PPP6R2: variants seen among roughly 807,000 people sequenced by gnomAD.
PPP6R2 encodes protein phosphatase 6 regulatory subunit 2, also known as serine/threonine-protein phosphatase 6 regulatory subunit 2.
Under a neutral mutation model 100.2 loss-of-function variants are expected in PPP6R2, and 62 were observed. The ratio of observed to expected loss-of-function variants is 0.62; its 90% confidence interval spans 0.50 to 0.76. The LOEUF (loss-of-function observed/expected upper bound fraction) is 0.76. Ranked by LOEUF, PPP6R2 falls within the 30% of genes least tolerant of loss-of-function variation. The probability of loss-of-function intolerance (pLI) is 0.00; values close to 1 mark genes in which losing one functional copy is unlikely to be tolerated. For synonymous variants in PPP6R2, 525 were observed against 514.7 expected (o/e 1.02, Z -0.27); for missense variants, 1,142 against 1,276.3 (o/e 0.89, Z 1.60).
chr22:50,373,471 C>T (rs928766362), intron 2 of PPP6R2, among the ~76,000 whole-genome samples: 7 of 151,884 alleles, frequency 4.6e-5, no homozygotes, highest in East Asian at 1.9e-4. Context: ...TCTCGATCTC[C>T]TGACCTCGTG....
intron 22 of PPP6R2, 163 bp from the exon 23 acceptor site, chr22:50,443,703 C>A: frequency 3.0e-6 from 3 of 997,540 alleles, no homozygotes; most frequent in Non-Finnish European, 4.3e-6. Context: ...AGCTGCCTAG[C>A]TGGGCACAAC....
At chr22:50,440,145 C>T (rs572476154) in intron 21 of PPP6R2, 96 bp downstream of exon 21, 31 of 1,138,448 alleles carry the variant, frequency 2.7e-5, no homozygotes, top group Admixed American at 1.6e-4. Context: ...AGGAGGTGGC[C>T]GGGGCCTCGC....
chr22:50,423,398 G>C lies in PPP6R2; in HGVS notation c.973-64G>C. 6.3e-7 allele frequency: 1 copy of C among 1,595,618 alleles called. No individual in the cohort carries two copies. Among genetic ancestry groups the C allele is most frequent in the Non-Finnish European group, 8.6e-7 (1 of 1,165,844 alleles). On this transcript the variant is annotated intron_variant, in intron 9 of 23. Transcript: ENST00000612753. This position sits in a 1 kb window ranked among gnomAD's most constrained non-coding sequence, Gnocchi z 4.8. ...GCCTAGAGTGATGGGCATGAGCCCA[G>C]AGACTCCAGCAGTGGCCTCACTGCT...
chr22:50,422,428 G>C (rs368725532), intron 9 of PPP6R2, 48 bp downstream of exon 9: 2 of 1,602,186 alleles, frequency 1.2e-6, no homozygotes, highest in African/African-American at 2.7e-5. Context: ...CGTCGCAGGA[G>C]AGGTTGATTT....
intron 7 of PPP6R2, 129 bp from the exon 8 acceptor site, chr22:50,419,220 G>A: frequency 2.4e-6 from 2 of 841,128 alleles, no homozygotes; most frequent in African/African-American, 1.7e-5. Context: ...GAGAACCCTG[G>A]CGCCTTGCCT....
intron 21 of PPP6R2, among the ~76,000 whole-genome samples, 184 bp from the exon 22 acceptor site, chr22:50,440,638 G>A (rs62241890): frequency 6.6e-6 from 1 of 152,236 alleles, no homozygotes; most frequent in East Asian, 1.9e-4. Context: ...GGTTGTTTGT[G>A]TGGAGACCCC....
intron 3 of PPP6R2, among the ~76,000 whole-genome samples, chr22:50,406,380 G>T (rs2058964592): frequency 6.6e-6 from 1 of 151,734 alleles, no homozygotes; most frequent in Non-Finnish European, 1.5e-5. Context: ...GCAGGCGAGT[G>T]TGAAGGCCTG....
intron 2 of PPP6R2, among the ~76,000 whole-genome samples, chr22:50,379,609 T>C (rs1389294663): frequency 1.3e-5 from 2 of 151,912 alleles, no homozygotes; most frequent in African/African-American, 2.4e-5. Context: ...CAAATTAGCA[T>C]TGGAGGGGTG....
At chr22:50,427,789 C>T (rs113871152) in intron 10 of PPP6R2, among the ~76,000 whole-genome samples, 6 of 152,296 alleles carry the variant, frequency 3.9e-5, no homozygotes, top group South Asian at 2.1e-4. Flanking sequence ...GGCGCGATCT[C>T]GGCTCACTGC....
chr22:50,431,429 T>G lies in PPP6R2; in HGVS notation c.1335+47T>G. On this transcript the variant is annotated intron_variant, in intron 11 of 23. Transcript: ENST00000612753. The surrounding 1 kb of genome is among the most constrained non-coding windows in gnomAD (Gnocchi z 4.8). ...CTTATCAGCGCCAACTGCGCCCCAC[T>G]CAGACCGTGTCCATGTCAGCGCTGA... is the stretch of plus-strand genomic sequence containing the variant. 6.5e-7 allele frequency: 1 copy of G among 1,528,010 alleles called. No individual in the cohort carries two copies. Among genetic ancestry groups the G allele is most frequent in the Non-Finnish European group, 9.0e-7 (1 of 1,115,378 alleles). The allele number at this position is 1,528,010 out of a possible 1,614,324, so 94.7% of individuals were successfully genotyped here. A position where few individuals can be genotyped will look rare whatever the true frequency, so the allele number is the denominator to read the frequency against.
chr22:50,422,122 T>A (rs2147800455), intron 8 of PPP6R2, 132 bp from the exon 9 acceptor site: 1 of 1,155,436 alleles, frequency 8.7e-7, no homozygotes, highest in Admixed American at 2.4e-5. Flanking sequence ...GCTGGGTAGC[T>A]GCACTGCTCT....
intron 1 of PPP6R2, among the ~76,000 whole-genome samples, chr22:50,369,743 G>C (rs1402526547): frequency 3.3e-5 from 5 of 151,848 alleles, no homozygotes; most frequent in African/African-American, 7.3e-5. Flanking sequence ...CTGACCTCAA[G>C]TGATCACCCA....
At chr22:50,421,469 A>G (rs1378612682) in intron 8 of PPP6R2, among the ~76,000 whole-genome samples, 2 of 152,132 alleles carry the variant, frequency 1.3e-5, no homozygotes, top group Non-Finnish European at 2.9e-5. Context: ...GTCCCCCCCA[A>G]AGTGCTGGGA....
At chr22:50,400,672 C>T (rs1333208700) in intron 3 of PPP6R2, among the ~76,000 whole-genome samples, 2 of 152,028 alleles carry the variant, frequency 1.3e-5, no homozygotes, top group Non-Finnish European at 1.5e-5. Context: ...AGAGCTTGGG[C>T]GAATTTAGTA....
At chr22:50,407,402 A>G (rs1256847310) in intron 4 of PPP6R2, 1 of 161,172 alleles carries the variant, frequency 6.2e-6, no homozygotes, top group East Asian at 1.7e-4. Context: ...ACTTCCCACC[A>G]TCCCTGGGAG....
intron 3 of PPP6R2, among the ~76,000 whole-genome samples, chr22:50,395,316 T>C (rs1444793863): frequency 6.6e-6 from 1 of 152,180 alleles, no homozygotes; most frequent in Non-Finnish European, 1.5e-5. Flanking sequence ...GCGAGATGGC[T>C]GGAGCCTCAG....
chr22:50,382,086 G>A (rs949361763), intron 2 of PPP6R2, among the ~76,000 whole-genome samples: 4 of 151,860 alleles, frequency 2.6e-5, no homozygotes, highest in African/African-American at 4.8e-5. Flanking sequence ...AAGAAGACAG[G>A]GTGCATGCTT....
upstream of PPP6R2, among the ~76,000 whole-genome samples, chr22:50,338,500 G>A (rs1401878252): frequency 6.2e-5 from 9 of 144,830 alleles, no homozygotes; most frequent in Middle Eastern, 4.0e-3. Flanking sequence ...TATGTGGTAT[G>A]TGGTGTGTGT....
chr22:50,379,363 G>C (rs1302945097), intron 2 of PPP6R2, among the ~76,000 whole-genome samples: 1 of 152,024 alleles, frequency 6.6e-6, no homozygotes, highest in Admixed American at 6.6e-5. Flanking sequence ...CGGGAGCGGT[G>C]GTGCATGCCT....
Sources: allele counts gnomAD v4.1 joint callset (sites outside exome capture counted in the v4.1 genomes callset), GRCh38; gene constraint gnomAD v4.1.1; non-coding constraint Gnocchi (gnomAD v3.1); transcripts MANE v1.5; gene names NCBI Gene and HGNC (gene_info 2026-07-23, HGNC 2026-07-21).